RELA: variants seen among roughly 807,000 people sequenced by gnomAD.
RELA encodes the protein transcription factor p65.
In RELA, 14 loss-of-function variants were observed where a neutral mutation model predicts 56.7. The ratio of observed to expected loss-of-function variants is 0.25; its 90% CI spans 0.16 to 0.39. The LOEUF (loss-of-function observed/expected upper bound fraction) is 0.39. Among genes scored for constraint, RELA ranks in the 10% least tolerant of loss-of-function variants. The pLI is 1.00. For missense variants in RELA, 559 were observed against 736.4 expected (o/e 0.76, Z 2.79); for synonymous variants, 315 against 289.7 (o/e 1.09, Z -0.89).
intron 4 of RELA, 185 bp from the exon 5 acceptor site, chr11:65,660,400 GC>G: frequency 1.6e-6 from 1 of 607,440 alleles, no homozygotes; most frequent in Non-Finnish European, 2.9e-6. Flanking sequence ...GCACCTCCGT[GC>G]CCCTGCCCCT....
At position 65,654,364 on chromosome 11, in the gene RELA, C is replaced by T. The variant is rs749021115; in HGVS notation, c.*14G>A. On this transcript the variant is annotated 3_prime_UTR_variant, in exon 11 of 11. Coordinates refer to ENST00000406246, the MANE Select transcript of RELA (RefSeq NM_021975.4). ...CTGCAACCCAGTGCTCTGGGGAGGGCAGGCGTCACCCCCTTAGGAGCTGAT... is the reference window on the plus strand; with the variant it reads ...CTGCAACCCAGTGCTCTGGGGAGGGTAGGCGTCACCCCCTTAGGAGCTGAT... 1.2e-6 allele frequency: 2 copies of T among 1,613,798 alleles called. No individual in the cohort carries two copies. The highest frequency in any genetic ancestry group is 2.2e-5 in the East Asian group (1 of 44,880).
At chr11:65,660,508 T>C in intron 4 of RELA, 1 of 379,762 alleles carries the variant, frequency 2.6e-6, no homozygotes, top group South Asian at 5.2e-5. Context: ...GCCTTTGCAC[T>C]TGTTTGGTCG....
At position 65,658,841 on chromosome 11, in the gene RELA, G is replaced by A. The variant is rs1254739151; in HGVS notation, c.560-19C>T. ...GGGGCACCTGAGGCAGTGAAAACAAGGGAGGATGACCTGAGCCACGAGAGG... is the reference window on the plus strand; with the variant it reads ...GGGGCACCTGAGGCAGTGAAAACAAAGGAGGATGACCTGAGCCACGAGAGG... On this transcript the variant is annotated intron_variant, in intron 6 of 10. Coordinates refer to ENST00000406246, the MANE Select transcript of RELA (RefSeq NM_021975.4). This position sits in a 1 kb window ranked among gnomAD's most constrained non-coding sequence, Gnocchi z 4.5. 7 of 1,610,668 alleles carry A rather than the reference G, an allele frequency of 4.3e-6. No homozygotes were observed. The highest frequency in any genetic ancestry group is 2.2e-5 in the East Asian group (1 of 44,846).
chr11:65,656,255 A>G (rs1313330600), intron 8 of RELA, among the ~76,000 whole-genome samples: 1 of 152,168 alleles, frequency 6.6e-6, no homozygotes, highest in Non-Finnish European at 1.5e-5. Flanking sequence ...ATCCTGGCTC[A>G]TTGTCAGCCT....
rs773613820 is a variant in RELA, at chr11:65,661,712, G to C, written c.310C>G (p.Leu104Val). The C allele has an allele frequency of 6.2e-7, 1 of 1,608,734 alleles. No homozygotes were observed. The highest frequency in any genetic ancestry group is 1.3e-5 in the African/African-American group (1 of 74,966). ...DCRDGFYEAE[L>V]CPDRCIHSFQ... ...CTGTGGATGCAGCGGTCCGGGCAGAGCTCAGCCTCATAGAAGCCATCCCGG... is the reference window on the plus strand; with the variant it reads ...CTGTGGATGCAGCGGTCCGGGCAGACCTCAGCCTCATAGAAGCCATCCCGG... The change falls in exon 4 of 11, where the codon CTC (leucine) becomes GTC (valine). Residue 104 changes from leucine to valine, a missense_variant. Around this residue, in one of 4 missense-constraint regions of RELA, gnomAD observed 149 missense variants for 256.0 expected, o/e 0.58. Transcript: ENST00000406246.
Position 65,654,373 on chromosome 11 carries a change from C to G in RELA, c.*5G>C. 6.2e-7 allele frequency: 1 copy of G among 1,613,732 alleles called. No homozygotes were observed. Among genetic ancestry groups the G allele is most frequent in the African/African-American group, 1.3e-5 (1 of 75,042 alleles). ...AGTGCTCTGGGGAGGGCAGGCGTCA[C>G]CCCCTTAGGAGCTGATCTGACTCAG... On this transcript the variant is annotated 3_prime_UTR_variant, in exon 11 of 11. Coordinates refer to ENST00000406246, the MANE Select transcript of RELA (RefSeq NM_021975.4).
chr11:65,658,219 T>C lies in RELA; in HGVS notation c.877+68A>G. On this transcript the variant is annotated intron_variant, in intron 8 of 10. Coordinates refer to ENST00000406246, the MANE Select transcript of RELA (RefSeq NM_021975.4). This position sits in a 1 kb window ranked among gnomAD's most constrained non-coding sequence, Gnocchi z 4.5. ...TGGCCCTCAACCACAGCCCCAGACA[T>C]GCAGTCTTGGCCTCTCTCTCACGGC... is the stretch of plus-strand genomic sequence containing the variant. 1 of 1,219,524 alleles carries C rather than the reference T, an allele frequency of 8.2e-7. No individual in the cohort carries two copies. The highest frequency in any genetic ancestry group is 1.5e-5 in the South Asian group (1 of 68,810). 75.5% of individuals were successfully genotyped at this position (1,219,524 alleles called of 1,614,324 possible). A position where few individuals can be genotyped will look rare whatever the true frequency, so the allele number is the denominator to read the frequency against.
In RELA at chr11:65,654,154, C is replaced by T; in HGVS notation, c.*224G>A. Reference sequence around the variant, plus strand: ...AGGGGAAAAGTTTGAGTTTCCCCAGCTCCCCCCTTTCCAGAGAAGTTAATG... The same window carrying T: ...AGGGGAAAAGTTTGAGTTTCCCCAGTTCCCCCCTTTCCAGAGAAGTTAATG... On this transcript the variant is annotated 3_prime_UTR_variant, in exon 11 of 11. Transcript: ENST00000406246. The T allele has an allele frequency of 1.6e-6, 1 of 641,600 alleles. No homozygotes were observed. Among genetic ancestry groups the T allele is most frequent in the East Asian group, 3.0e-5 (1 of 33,262 alleles). 39.7% of individuals were successfully genotyped at this position (641,600 alleles called of 1,614,324 possible). A position where few individuals can be genotyped will look rare whatever the true frequency, so the allele number is the denominator to read the frequency against.
intron 6 of RELA, among the ~76,000 whole-genome samples, chr11:65,659,268 TA>T (rs1856504077): frequency 6.6e-6 from 1 of 152,170 alleles, no homozygotes; most frequent in Non-Finnish European, 1.5e-5. Flanking sequence ...GTTACTTAAC[TA>T]AAGACTGCAG....
In RELA at chr11:65,653,977, T is replaced by G. The variant is rs900701518; in HGVS notation, c.*401A>C. On this transcript the variant is annotated 3_prime_UTR_variant, in exon 11 of 11. Transcript: ENST00000406246. ...GGGCGTTATTTTGATTAAGCTGTAA[T>G]GAATCCATGATGGAAGACACTTGAT... is the stretch of plus-strand genomic sequence containing the variant. 3 of 303,120 alleles carry G rather than the reference T, an allele frequency of 9.9e-6. No homozygotes were observed. Among genetic ancestry groups the G allele is most frequent in the Non-Finnish European group, 1.9e-5 (3 of 157,608 alleles). 18.8% of individuals were successfully genotyped at this position (303,120 alleles called of 1,614,324 possible). A position where few individuals can be genotyped will look rare whatever the true frequency, so the allele number is the denominator to read the frequency against.
intron 1 of RELA, 183 bp downstream of exon 1, chr11:65,662,643 C>T (rs1170417885): frequency 2.5e-5 from 10 of 404,184 alleles, no homozygotes; most frequent in Non-Finnish European, 4.1e-5. Flanking sequence ...CCCCTCCACC[C>T]AGAGGGGAAA....
At chr11:65,662,144 G>A (rs768785789) in intron 2 of RELA, 35 bp downstream of exon 2, 38 of 1,593,976 alleles carry the variant, frequency 2.4e-5, no homozygotes, top group Admixed American at 3.8e-5. Context: ...CCTACCCCAG[G>A]GAGCACCTCC....
rs752869747 is a variant in RELA, at chr11:65,661,771, C to T, written c.251G>A (p.Arg84Gln). The change falls in exon 4 of 11, where the codon CGG becomes CAG. Residue 84 changes from arginine to glutamine, a missense_variant. By Grantham distance (43) the Arg-to-Gln change is conservative. Around this residue, in one of 4 missense-constraint regions of RELA, gnomAD observed 149 missense variants for 256.0 expected, o/e 0.58. Transcript: ENST00000406246. ...ISLVTKDPPH[R>Q]PHPHELVGKD... is the part of the protein sequence containing the mutation. ...TCCTACAAGCTCGTGGGGGTGAGGC[C>T]GGTGAGGAGGGTCCTTGGTGACCAG... The T allele has an allele frequency of 1.7e-5, 28 of 1,613,816 alleles. No homozygotes were observed. Among genetic ancestry groups the T allele is most frequent in the South Asian group, 1.5e-4 (14 of 91,046 alleles).
Position 65,654,158 on chromosome 11 carries a change from C to A in RELA, c.*220G>T. 1.5e-6 allele frequency: 1 copy of A among 659,700 alleles called. No homozygotes were observed. The highest frequency in any genetic ancestry group is 1.6e-5 in the South Asian group (1 of 61,868). The allele number at this position is 659,700 out of a possible 1,614,324, so 40.9% of individuals were successfully genotyped here. On this transcript the variant is annotated 3_prime_UTR_variant, in exon 11 of 11. Coordinates refer to ENST00000406246, the MANE Select transcript of RELA (RefSeq NM_021975.4). ...GAAAAGTTTGAGTTTCCCCAGCTCCCCCCTTTCCAGAGAAGTTAATGCTTC... is the reference window on the plus strand; with the variant it reads ...GAAAAGTTTGAGTTTCCCCAGCTCCACCCTTTCCAGAGAAGTTAATGCTTC...
Position 65,658,333 on chromosome 11 carries a change from G to A in RELA, c.831C>T (p.Asp277=), listed in dbSNP as rs147357241. The stretch of plus-strand genomic sequence containing the variant: ...ATTCCATGGGCTCACTGAGCTCCCG[G>A]TCGGAAGGCCGCCGCAGCTGCATGG... ...RVSMQLRRPS[D]RELSEPMEFQ... The change falls in exon 8 of 11, where the codon GAC becomes GAT. Residue 277 remains aspartate (D), a synonymous_variant. Transcript: ENST00000406246. This position sits in a 1 kb window ranked among gnomAD's most constrained non-coding sequence, Gnocchi z 4.5. 351 of 1,611,880 alleles carry A rather than the reference G, an allele frequency of 2.2e-4. No individual in the cohort carries two copies. Among genetic ancestry groups the A allele is most frequent in the South Asian group, 4.7e-4 (43 of 90,650 alleles).
At chr11:65,662,270 C>G in intron 1 of RELA, 65 bp from the exon 2 acceptor site, 9 of 1,467,876 alleles carry the variant, frequency 6.1e-6, no homozygotes, top group Non-Finnish European at 8.1e-6. Flanking sequence ...GAGGAATCTG[C>G]TCTCCACGGA....
rs1856527423 is a variant in RELA, at chr11:65,660,111, G to A, written c.427+13C>T. On this transcript the variant is annotated intron_variant, in intron 5 of 10. Coordinates refer to ENST00000406246, the MANE Select transcript of RELA (RefSeq NM_021975.4). ...ACAGAGGGTGCGGGTGTGGCAGGCA[G>A]GTTTGCCCTCACCTTGGAAGGGGTT... The A allele has an allele frequency of 6.8e-6, 11 of 1,612,642 alleles. No individual in the cohort carries two copies. The highest frequency in any genetic ancestry group is 9.3e-6 in the Non-Finnish European group (11 of 1,178,806).
chr11:65,659,593 C>G, intron 6 of RELA, 73 bp downstream of exon 6: 3 of 1,585,738 alleles, frequency 1.9e-6, no homozygotes, highest in Non-Finnish European at 2.6e-6. Flanking sequence ...TCTTGCAGGC[C>G]ACACTCACCC....
At chr11:65,662,143 G>A (rs1444292207) in intron 2 of RELA, 36 bp downstream of exon 2, 2 of 1,595,028 alleles carry the variant, frequency 1.3e-6, no homozygotes, top group East Asian at 2.2e-5. Context: ...CCCTACCCCA[G>A]GGAGCACCTC....
Sources: gnomAD v4.1 joint callset for allele counts (sites outside exome capture counted in the v4.1 genomes callset) on GRCh38, gnomAD v4.1.1 for gene constraint, gnomAD v4.1.1 regional missense constraint, Gnocchi (gnomAD v3.1) non-coding constraint, MANE v1.5 for transcripts, NCBI Gene and HGNC (gene_info 2026-07-23, HGNC 2026-07-21) for gene names.